Variants in PMS2 observed in about 807,000 individuals in gnomAD.
PMS2 encodes the protein mismatch repair endonuclease PMS2.
A neutral mutation model predicts 90.0 loss-of-function variants in PMS2; 69 were observed. That is an observed-to-expected ratio of 0.77 (90% confidence interval 0.63 to 0.94). The LOEUF (loss-of-function observed/expected upper bound fraction) is 0.94. Ranked by LOEUF, PMS2 falls within the 40% of genes least tolerant of loss-of-function variation. The pLI is 0.00. For synonymous variants in PMS2, 332 were observed against 375.1 expected (o/e 0.89, Z 1.33); for missense variants, 966 against 1,040.2 (o/e 0.93, Z 0.98).
intron 12 of PMS2, among the ~76,000 whole-genome samples, chr7:5,982,327 TC>T (rs1196076898): frequency 1.3e-5 from 2 of 152,334 alleles, no homozygotes; most frequent in East Asian, 3.9e-4. Flanking sequence ...TGCCTCAGCC[TC>T]CCAAGTAGCT....
Position 5,989,752 on chromosome 7 carries a change from C to T in PMS2, c.1144+48G>A, listed in dbSNP as rs1783502245. Reference sequence around the variant, plus strand: ...TTTACTTGGAAAAAATAAGGAAACACATTAGCTAAAAGCTTTAGAAGCTGT... The same window carrying T: ...TTTACTTGGAAAAAATAAGGAAACATATTAGCTAAAAGCTTTAGAAGCTGT... On this transcript the variant is annotated intron_variant, in intron 10 of 14. Transcript: ENST00000265849. 1.4e-6 allele frequency: 2 copies of T among 1,437,610 alleles called. No homozygotes were observed. The highest frequency in any genetic ancestry group is 1.8e-4 in the Middle Eastern group (1 of 5,534). 89.1% of individuals were successfully genotyped at this position (1,437,610 alleles called of 1,614,324 possible). A position where few individuals can be genotyped will look rare whatever the true frequency, so the allele number is the denominator to read the frequency against.
intron 11 of PMS2, 121 bp from the exon 12 acceptor site, chr7:5,983,112 T>C: frequency 1.4e-6 from 2 of 1,401,922 alleles, no homozygotes; most frequent in South Asian, 1.3e-5. Context: ...TCCCTAGCCA[T>C]CCCGCTTTCT....
rs1784307166 is a variant in PMS2 at position 5,995,589 on chromosome 7, C to T, written c.848G>A (p.Ser283Asn). The change falls in exon 8 of 15, where the codon AGT becomes AAT. Residue 283 changes from serine (S) to asparagine (N), a missense_variant. Ser to Asn is a conservative substitution (Grantham distance 46). Coordinates refer to ENST00000265849, the MANE Select transcript of PMS2 (RefSeq NM_000535.7). The stretch of plus-strand genomic sequence containing the variant: ...AAAGAAAAACTGTCTGTCTGTTGAA[C>T]TCCTTCCAACTCCATGCGTGCATTG... ...ISQCTHGVGR[S>N]STDRQFFFIN... 6.2e-7 allele frequency: 1 copy of T among 1,613,990 alleles called. No individual in the cohort carries two copies.
intron 8 of PMS2, among the ~76,000 whole-genome samples, chr7:5,995,142 A>C (rs1271962528): frequency 6.6e-6 from 1 of 152,074 alleles, no homozygotes; most frequent in Non-Finnish European, 1.5e-5. Flanking sequence ...GGTTCAAGTG[A>C]TCCTCCTGCC....
In PMS2 at chr7:5,997,358, C is replaced by T. The variant is rs746652254; in HGVS notation, c.771G>A (p.Leu257=). The T allele has an allele frequency of 1.9e-6, 3 of 1,602,314 alleles. No homozygotes were observed. The South Asian group carries it at 3.3e-5, about 18-fold the overall frequency. The change falls in exon 7 of 15, where the codon TTG becomes TTA. Residue 257 remains leucine, a synonymous_variant. Transcript: ENST00000265849. Reference sequence around the variant, plus strand: ...GATTATGCAGAGCATCGGAACAGCTCAAACCGTACTCTTCACACACGGAGT... The same window carrying T: ...GATTATGCAGAGCATCGGAACAGCTTAAACCGTACTCTTCACACACGGAGT... The part of the protein sequence containing the change: ...PSDSVCEEYG[L]SCSDALHNLF...
intron 7 of PMS2, 150 bp from the exon 8 acceptor site, chr7:5,995,783 T>A (rs1784333550): frequency 2.9e-6 from 2 of 686,138 alleles, no homozygotes; most frequent in Admixed American, 4.6e-5. Context: ...GTATCTGTGC[T>A]CCAAATCTTG....
chr7:6,008,342 A>C (rs925075616), intron 1 of PMS2, among the ~76,000 whole-genome samples: 3 of 152,236 alleles, frequency 2.0e-5, no homozygotes, highest in African/African-American at 7.2e-5. Context: ...GGTGTAGCTT[A>C]CCAGCCAGAA....
At position 5,991,401 on chromosome 7, in the gene PMS2, AT is replaced by A. The variant is rs375752094; in HGVS notation, c.988+571del. Among the ~76,000 whole-genome samples, 744 of 152,190 alleles carry A rather than the reference AT, an allele frequency of 4.9e-3. 17 individuals carry two copies. The highest frequency in any genetic ancestry group is 0.03 in the Admixed American group (454 of 15,240). On this transcript the variant is annotated intron_variant, in intron 9 of 14. Coordinates refer to ENST00000265849, the MANE Select transcript of PMS2 (RefSeq NM_000535.7). ...AAAATTTTAACAATCAGAAAAAAAA[AT>A]CTATATGAAATGAATTATTTATGAA...
intron 6 of PMS2, among the ~76,000 whole-genome samples, chr7:5,998,194 G>A (rs375493093): frequency 4.8e-4 from 72 of 150,284 alleles, no homozygotes; most frequent in African/African-American, 1.7e-3. Flanking sequence ...CGACTCTCCT[G>A]CCTCAGCCTC....
chr7:6,004,474 G>A (rs1046946253), intron 2 of PMS2: 4 of 174,022 alleles, frequency 2.3e-5, no homozygotes, highest in African/African-American at 9.6e-5. Context: ...CCAGCACTTT[G>A]GGAGGCCAAA....
chr7:5,999,219 G>GA lies in PMS2; in HGVS notation c.593dup (p.Arg199ProfsTer50), dbSNP rs267608148. 6.2e-7 allele frequency: 1 copy of GA among 1,613,906 alleles called. No homozygotes were observed. The highest frequency in any genetic ancestry group is 8.5e-7 in the Non-Finnish European group (1 of 1,179,990). ...CAAGCTGATTGGTGCAACTTACACG[G>GA]ATGCCTGCTGAAATGATACAGTATG... On this transcript the variant is annotated frameshift_variant, in exon 6 of 15. Transcript: ENST00000265849. LOFTEE classifies it high-confidence loss of function.
intron 11 of PMS2, among the ~76,000 whole-genome samples, chr7:5,983,729 G>A (rs959698350): frequency 8.6e-5 from 13 of 151,036 alleles, no homozygotes; most frequent in African/African-American, 3.2e-4. Flanking sequence ...GTGGCTCACT[G>A]CAACCTGCGC....
chr7:5,998,815 C>T (rs1784739937), intron 6 of PMS2, among the ~76,000 whole-genome samples: 1 of 151,772 alleles, frequency 6.6e-6, no homozygotes, highest in Non-Finnish European at 1.5e-5. Flanking sequence ...CACGGTGAAA[C>T]CCCGTCTCTA....
chr7:5,978,331 C>T (rs1268731711), intron 13 of PMS2, among the ~76,000 whole-genome samples: 4 of 146,496 alleles, frequency 2.7e-5, no homozygotes, highest in South Asian at 2.2e-4. Context: ...AGTGCAGTGA[C>T]GTGATCTCGG....
At chr7:6,006,881 C>G (rs1386798685) in intron 1 of PMS2, among the ~76,000 whole-genome samples, 1 of 152,068 alleles carries the variant, frequency 6.6e-6, no homozygotes, top group Non-Finnish European at 1.5e-5. Flanking sequence ...GGTTTTATCT[C>G]CCCTTATTCC....
intron 8 of PMS2, among the ~76,000 whole-genome samples, chr7:5,992,412 G>A (rs188259598): frequency 2.3e-3 from 340 of 151,072 alleles, no homozygotes; most frequent in Middle Eastern, 0.01. Context: ...CTCTGCCTCC[G>A]GGGCTCAAGT....
chr7:5,983,481 A>G (rs1782526732), intron 11 of PMS2, among the ~76,000 whole-genome samples: 1 of 151,714 alleles, frequency 6.6e-6, no homozygotes, highest in Non-Finnish European at 1.5e-5. Context: ...ATCAGTTGCT[A>G]CTATTAACGA....
intron 7 of PMS2, among the ~76,000 whole-genome samples, chr7:5,997,093 A>C (rs1784488434): frequency 6.6e-6 from 1 of 151,898 alleles, no homozygotes; most frequent in Non-Finnish European, 1.5e-5. Context: ...ACGTGCCTGT[A>C]ATCCCAGCTA....
rs1430015665 is a variant in PMS2 at position 5,989,797 on chromosome 7, T to C, written c.1144+3A>G. On this transcript the variant is annotated splice_donor_region_variant and intron_variant, in intron 10 of 14. Coordinates refer to ENST00000265849, the MANE Select transcript of PMS2 (RefSeq NM_000535.7). ...AGCTGTTTGTACACTGTATTTTTCTTACCTTCAACATCCAGCAGTGGCTGC... is the reference window on the plus strand; with the variant it reads ...AGCTGTTTGTACACTGTATTTTTCTCACCTTCAACATCCAGCAGTGGCTGC... The C allele has an allele frequency of 2.5e-6, 4 of 1,610,368 alleles. No homozygotes were observed. In the African/African-American group the frequency reaches 4.0e-5, roughly 16 times the overall value.
Sources: gnomAD v4.1 joint callset for allele counts (sites outside exome capture counted in the v4.1 genomes callset) on GRCh38, gnomAD v4.1.1 for gene constraint, MANE v1.5 for transcripts, NCBI Gene and HGNC (gene_info 2026-07-23, HGNC 2026-07-21) for gene names.